Variants in NDUFAF7 observed in about 807,000 individuals in gnomAD.
NDUFAF7 encodes NADH:ubiquinone oxidoreductase complex assembly factor 7.
In NDUFAF7, 48 loss-of-function variants were observed where a neutral mutation model predicts 47.2. The ratio of observed to expected loss-of-function variants is 1.02; its 90% CI spans 0.81 to 1.29. The LOEUF is 1.29. Ranked by LOEUF, NDUFAF7 falls within the 50% of genes most tolerant of loss-of-function variation. NDUFAF7 has a pLI of 0.00. For synonymous variants in NDUFAF7, 217 were observed against 190.0 expected (o/e 1.14, Z -1.17); for missense variants, 635 against 537.6 (o/e 1.18, Z -1.79).
At chr2:37,268,653 C>CA in the NDUFAF7 span, 1 of 233,798 alleles carries the variant, frequency 4.3e-6, no homozygotes, top group Non-Finnish European at 8.5e-6. Context: ...ACAGAGAAAG[C>CA]CCTTTAGTTG....
At chr2:37,233,621 C>CAAA (rs1175933313) in intron 2 of NDUFAF7, among the ~76,000 whole-genome samples, 1 of 62,464 alleles carries the variant, frequency 1.6e-5, no homozygotes, top group Non-Finnish European at 3.4e-5. Context: ...GACTCTGTCT[C>CAAA]AAAAAAAAAA....
At chr2:37,238,301 G>T (rs960443907) in intron 4 of NDUFAF7, among the ~76,000 whole-genome samples, 1 of 152,088 alleles carries the variant, frequency 6.6e-6, no homozygotes, top group African/African-American at 2.4e-5. Flanking sequence ...ATGGTGGTGT[G>T]CATCTGTAAT....
the NDUFAF7 span, chr2:37,269,462 C>T: frequency 6.3e-6 from 4 of 638,580 alleles, no homozygotes; most frequent in Non-Finnish European, 1.1e-5. Context: ...ACTCAAATTA[C>T]AGTGAGAAGG....
At chr2:37,241,537 A>C in intron 4 of NDUFAF7, 41 bp from the exon 5 acceptor site, 1 of 1,480,354 alleles carries the variant, frequency 6.8e-7, no homozygotes. Context: ...CTTAAAACCT[A>C]CTTAACACAT....
chr2:37,247,312 G>T, intron 8 of NDUFAF7, 144 bp from the exon 9 acceptor site: 1 of 959,764 alleles, frequency 1.0e-6, no homozygotes, highest in Non-Finnish European at 1.6e-6. Flanking sequence ...ACACTGCCTA[G>T]GTGTTCCCTG....
the NDUFAF7 span, chr2:37,269,816 AC>A: frequency 1.0e-5 from 7 of 675,234 alleles, no homozygotes; most frequent in Non-Finnish European, 1.7e-5. Flanking sequence ...TAAAGTGCAA[AC>A]TATTTTATGA....
At chr2:37,241,855 C>G (rs948541557) in intron 5 of NDUFAF7, 64 bp downstream of exon 5, 2 of 1,437,422 alleles carry the variant, frequency 1.4e-6, no homozygotes, top group African/African-American at 1.4e-5. Context: ...ATTGATGGGA[C>G]TGTAACTTTT....
chr2:37,262,836 A>G, the NDUFAF7 span, among the ~76,000 whole-genome samples: 6 of 151,772 alleles, frequency 4.0e-5, no homozygotes, highest in African/African-American at 1.5e-4. Context: ...AGAATTACCC[A>G]TTTTCTCCAA....
Position 37,231,667 on chromosome 2 carries a change from C to T in NDUFAF7, c.-39C>T, listed in dbSNP as rs1665130149. ...TCTTCTCCCGGAAATGGTCTAAGCC[C>T]CAGCTCCTGGCGGAGCGAGCTAGCC... is the stretch of plus-strand genomic sequence containing the variant. On this transcript the variant is annotated 5_prime_UTR_variant, in exon 1 of 10. Transcript: ENST00000002125. 3 of 1,614,034 alleles carry T rather than the reference C, an allele frequency of 1.9e-6. No individual in the cohort carries two copies. Among genetic ancestry groups the T allele is most frequent in the Non-Finnish European group, 2.5e-6 (3 of 1,179,968 alleles).
At chr2:37,236,947 C>A (rs780316432) in intron 3 of NDUFAF7, among the ~76,000 whole-genome samples, 1 of 151,958 alleles carries the variant, frequency 6.6e-6, no homozygotes, top group South Asian at 2.1e-4. Context: ...TGATTTTAGC[C>A]GTACTTACAG....
chr2:37,257,834 A>G (rs150243597), downstream of NDUFAF7, among the ~76,000 whole-genome samples: 2,145 of 152,244 alleles, frequency 0.014, 22 homozygotes, highest in Middle Eastern at 0.11. Context: ...ATAATGCTGG[A>G]GACTGCCCCA....
the NDUFAF7 span, among the ~76,000 whole-genome samples, chr2:37,258,870 A>G: frequency 1.3e-5 from 2 of 152,238 alleles, no homozygotes; most frequent in Admixed American, 6.5e-5. Flanking sequence ...TCAAATGTAT[A>G]TAAACAATAG....
downstream of NDUFAF7, among the ~76,000 whole-genome samples, chr2:37,257,301 T>C (rs1668029301): frequency 2.0e-5 from 3 of 152,188 alleles, no homozygotes; most frequent in Admixed American, 2.0e-4. Context: ...AATTGTTTCA[T>C]TTCTGAATCC....
At chr2:37,250,698 C>A (rs1330691982), downstream of NDUFAF7, 1 of 152,064 alleles carries the variant, frequency 6.6e-6, no homozygotes, top group Non-Finnish European at 1.5e-5. Flanking sequence ...CAGGTTTTCA[C>A]ATGGAAAAGT....
Position 37,248,411 on chromosome 2 carries a change from A to G in NDUFAF7, c.*61A>G, listed in dbSNP as rs748960297. ...CAAGAAATCAAAATAAAGGAAACAC[A>G]TTTCATATACTGCAGGTAACAAAAG... On this transcript the variant is annotated 3_prime_UTR_variant, in exon 10 of 10. Coordinates refer to ENST00000002125, the MANE Select transcript of NDUFAF7 (RefSeq NM_144736.5). The G allele has an allele frequency of 1.4e-6, 2 of 1,474,942 alleles. No individual in the cohort carries two copies. The highest frequency in any genetic ancestry group is 1.7e-4 in the Middle Eastern group (1 of 5,798). 91.4% of individuals were successfully genotyped at this position (1,474,942 alleles called of 1,614,324 possible). A position where few individuals can be genotyped will look rare whatever the true frequency, so the allele number is the denominator to read the frequency against.
intron 2 of NDUFAF7, among the ~76,000 whole-genome samples, chr2:37,233,002 G>GC (rs2148379744): frequency 6.6e-6 from 1 of 152,330 alleles, no homozygotes; most frequent in South Asian, 2.1e-4. Context: ...TTTACCCAAG[G>GC]CCGGTATCTT....
At chr2:37,252,848 T>TATAC (rs1491247102), downstream of NDUFAF7, 1 of 26,914 alleles carries the variant, frequency 3.7e-5, no homozygotes, top group Admixed American at 7.8e-4. Context: ...TATTTATATT[T>TATAC]ATATATATAT....
chr2:37,264,157 T>A, the NDUFAF7 span, among the ~76,000 whole-genome samples: 771 of 152,226 alleles, frequency 5.1e-3, 7 homozygotes, highest in Non-Finnish European at 8.8e-3. Context: ...TGTGGCCAGG[T>A]TGACAGTTTA....
intron 4 of NDUFAF7, among the ~76,000 whole-genome samples, chr2:37,240,418 A>G (rs1666233281): frequency 6.6e-6 from 1 of 151,772 alleles, no homozygotes; most frequent in African/African-American, 2.4e-5. Context: ...AAAAACCAAA[A>G]AACACCAACA....
Sources: allele counts gnomAD v4.1 joint callset (sites outside exome capture counted in the v4.1 genomes callset), GRCh38; gene constraint gnomAD v4.1.1; transcripts MANE v1.5; gene names NCBI Gene and HGNC (gene_info 2026-07-23, HGNC 2026-07-21).